The following SPATA31H1 variants were observed in gnomAD, a reference collection of about 807,000 sequenced individuals.
SPATA31H1 encodes the protein spermatogenesis-associated protein 31H1.
the SPATA31H1 span, among the ~76,000 whole-genome samples, chr2:27,555,996 G>T: frequency 6.6e-6 from 1 of 151,752 alleles, no homozygotes; most frequent in African/African-American, 2.4e-5. Context: ...GCTGGGCATG[G>T]TGGCATGTGC....
chr2:27,575,571 G>A, the SPATA31H1 span: 28 of 398,482 alleles, frequency 7.0e-5, no homozygotes, highest in South Asian at 3.3e-3. This position sits in a 1 kb window ranked among gnomAD's most constrained non-coding sequence, Gnocchi z 4.1. Flanking sequence ...TCCTGGGCCT[G>A]AGCTTCAAGG....
At chr2:27,577,990 A>G in the SPATA31H1 span, 33 of 1,614,040 alleles carry the variant, frequency 2.0e-5, no homozygotes, top group Non-Finnish European at 2.5e-5. This position sits in a 1 kb window ranked among gnomAD's most constrained non-coding sequence, Gnocchi z 4.5. Context: ...CGAATTGTAG[A>G]ATTTATGAGG....
the SPATA31H1 span, chr2:27,579,111 A>T: frequency 6.2e-7 from 1 of 1,614,204 alleles, no homozygotes; most frequent in Admixed American, 1.7e-5. Flanking sequence ...ACAAAGCTGG[A>T]GATCACGATC....
At chr2:27,577,260 C>T in the SPATA31H1 span, 1 of 1,613,964 alleles carries the variant, frequency 6.2e-7, no homozygotes, top group Non-Finnish European at 8.5e-7. This position sits in a 1 kb window ranked among gnomAD's most constrained non-coding sequence, Gnocchi z 4.5. Flanking sequence ...GAAAAGCTAC[C>T]AAATCCTAGA....
the SPATA31H1 span, among the ~76,000 whole-genome samples, chr2:27,560,994 A>G: frequency 1.3e-5 from 2 of 152,134 alleles, no homozygotes; most frequent in East Asian, 3.9e-4. Flanking sequence ...AGTGAGTGGT[A>G]GATTTGTCAT....
chr2:27,578,126 A>G, the SPATA31H1 span: 1 of 1,614,100 alleles, frequency 6.2e-7, no homozygotes, highest in Non-Finnish European at 8.5e-7. Flanking sequence ...TGACCCCTGG[A>G]CCACCATTTC....
chr2:27,570,808 T>C, the SPATA31H1 span: 3 of 398,868 alleles, frequency 7.5e-6, no homozygotes, highest in East Asian at 3.6e-5. Context: ...GTAAAATATG[T>C]AGCAGGCAAC....
the SPATA31H1 span, among the ~76,000 whole-genome samples, chr2:27,563,570 T>A: frequency 3.3e-5 from 5 of 151,010 alleles, no homozygotes; most frequent in African/African-American, 1.2e-4. Context: ...TAATTTTTTT[T>A]TTTTTTTGAG....
At chr2:27,573,035 C>A in the SPATA31H1 span, 11 of 398,002 alleles carry the variant, frequency 2.8e-5, 1 homozygote, top group Admixed American at 4.4e-5. Flanking sequence ...GACCTGAGTT[C>A]CAAGGTGTAA....
the SPATA31H1 span, chr2:27,566,670 G>C: frequency 1.9e-6 from 1 of 521,272 alleles, no homozygotes; most frequent in Non-Finnish European, 3.5e-6. Context: ...TTTTGCATTT[G>C]AAATGGCCAC....
At chr2:27,544,396 G>A in the SPATA31H1 span, among the ~76,000 whole-genome samples, 1 of 151,812 alleles carries the variant, frequency 6.6e-6, no homozygotes, top group Non-Finnish European at 1.5e-5. Context: ...CCTCTATTCT[G>A]ATTTCTATTG....
chr2:27,581,530 G>A, the SPATA31H1 span: 1 of 1,565,614 alleles, frequency 6.4e-7, no homozygotes, highest in Non-Finnish European at 8.7e-7. Flanking sequence ...TCAGAGAGAA[G>A]CCATCGCAGT....
the SPATA31H1 span, chr2:27,568,891 A>C: frequency 2.5e-6 from 1 of 398,930 alleles, no homozygotes; most frequent in Non-Finnish European, 4.4e-6. Flanking sequence ...CAAAATCATG[A>C]AGCCACAGAG....
chr2:27,582,473 C>T, the SPATA31H1 span: 2 of 1,613,264 alleles, frequency 1.2e-6, no homozygotes, highest in Non-Finnish European at 1.7e-6. Context: ...TCCTCGGGAC[C>T]ACACATAAAA....
the SPATA31H1 span, chr2:27,569,536 C>G: frequency 2.5e-6 from 1 of 398,782 alleles, no homozygotes; most frequent in Non-Finnish European, 4.4e-6. Flanking sequence ...TTGATAGGAT[C>G]TAAAAAGTTA....
At chr2:27,570,381 G>A in the SPATA31H1 span, 1 of 398,924 alleles carries the variant, frequency 2.5e-6, no homozygotes, top group Non-Finnish European at 4.4e-6. Context: ...ATGGCAGCAA[G>A]ATATCAAATT....
the SPATA31H1 span, among the ~76,000 whole-genome samples, chr2:27,548,220 C>T: frequency 1.3e-5 from 2 of 151,718 alleles, no homozygotes; most frequent in African/African-American, 2.4e-5. Context: ...CTGCCCACCT[C>T]GGCCTCCCAA....
chr2:27,542,259 T>C, the SPATA31H1 span, among the ~76,000 whole-genome samples: 1 of 151,384 alleles, frequency 6.6e-6, no homozygotes, highest in Non-Finnish European at 1.5e-5. Flanking sequence ...TAGCTGGGCG[T>C]GGTGGTGGGT....
At chr2:27,568,034 C>A in the SPATA31H1 span, 1 of 398,938 alleles carries the variant, frequency 2.5e-6, no homozygotes, top group Non-Finnish European at 4.4e-6. Context: ...GGTCTCAGCA[C>A]CAAGTTATGG....
Sources: gnomAD v4.1 joint callset for allele counts (sites outside exome capture counted in the v4.1 genomes callset) on GRCh38, gnomAD v4.1.1 for gene constraint, Gnocchi (gnomAD v3.1) non-coding constraint, MANE v1.5 for transcripts, NCBI Gene and HGNC (gene_info 2026-07-23, HGNC 2026-07-21) for gene names.